Variants in TBC1D16 observed in about 807,000 individuals in gnomAD.
TBC1D16 encodes the protein TBC1 domain family member 16, also known as CTD-2529O21.1.
A neutral mutation model predicts 74.7 loss-of-function variants in TBC1D16; 58 were observed. The observed-to-expected ratio is 0.78, with a 90% CI of 0.63 to 0.97. The LOEUF (loss-of-function observed/expected upper bound fraction) is 0.97. TBC1D16 is among the 50% of genes least tolerant of loss of function. TBC1D16 has a pLI of 0.00. For synonymous variants in TBC1D16, 493 were observed against 474.7 expected (o/e 1.04, Z -0.50); for missense variants, 1,014 against 1,079.5 (o/e 0.94, Z 0.85).
rs1055980061 is a variant in TBC1D16 at position 79,988,398 on chromosome 17, G to C, written c.779+21762C>G. On this transcript the variant is annotated intron_variant, in intron 3 of 11. Transcript: ENST00000310924. The surrounding 1 kb of genome is among the most constrained non-coding windows in gnomAD (Gnocchi z 5.7). The stretch of plus-strand genomic sequence containing the variant: ...ACCCAAACTGAAACATTTTCCTTTT[G>C]TCGACTGTAGAGAGCTATGAGTCAG... Among the ~76,000 whole-genome samples the C allele has an allele frequency of 3.9e-5, 6 of 152,232 alleles. No individual in the cohort carries two copies. In the South Asian group the frequency reaches 1.2e-3, roughly 32 times the overall value.
chr17:80,035,147 C>T lies in TBC1D16; in HGVS notation c.-63+648G>A, dbSNP rs999090685. 1.3e-5 allele frequency among the ~76,000 whole-genome samples: 2 copies of T among 152,226 alleles called. No homozygotes were observed. The highest frequency in any genetic ancestry group is 4.8e-5 in the African/African-American group (2 of 41,466). On this transcript the variant is annotated intron_variant, in intron 1 of 11. Coordinates refer to ENST00000310924, the MANE Select transcript of TBC1D16 (RefSeq NM_019020.4). The surrounding 1 kb of genome is among the most constrained non-coding windows in gnomAD (Gnocchi z 5.3). Reference sequence around the variant, plus strand: ...ATCACAGGATTTCAGGATTCAGCGGCTTCCGGCAGGATCCCCTAGGTTATG... The same window carrying T: ...ATCACAGGATTTCAGGATTCAGCGGTTTCCGGCAGGATCCCCTAGGTTATG...
intron 1 of TBC1D16, among the ~76,000 whole-genome samples, chr17:80,017,680 CAA>C (rs57336950): frequency 1.0e-3 from 86 of 84,840 alleles, no homozygotes; most frequent in Non-Finnish European, 1.2e-3. Context: ...GACTCCATCT[CAA>C]AAAAAAAAAA....
intron 3 of TBC1D16, 64 bp from the exon 4 acceptor site, chr17:79,952,882 CG>C: frequency 1.3e-6 from 2 of 1,539,950 alleles, no homozygotes; most frequent in Non-Finnish European, 8.8e-7. Context: ...CAGAGGGGGA[CG>C]GGGGTCATGG....
rs1055275076 is a variant in TBC1D16 at position 79,941,279 on chromosome 17, C to CGGG, written c.2056-175_2056-173dup. 6.6e-6 allele frequency among the ~76,000 whole-genome samples: 1 copy of CGGG among 152,172 alleles called. No individual in the cohort carries two copies. Among genetic ancestry groups the CGGG allele is most frequent in the African/African-American group, 2.4e-5 (1 of 41,444 alleles). On this transcript the variant is annotated intron_variant, in intron 11 of 11. Coordinates refer to ENST00000310924, the MANE Select transcript of TBC1D16 (RefSeq NM_019020.4). This position sits in a 1 kb window ranked among gnomAD's most constrained non-coding sequence, Gnocchi z 4.3. ...GCATCTCCCACCATCACCGGCACCA[C>CGGG]GGGGCCCTGGGTCTTAGGTGGCTGC...
chr17:79,943,828 C>T (rs777984017), intron 10 of TBC1D16: 23 of 1,348,686 alleles, frequency 1.7e-5, no homozygotes, highest in African/African-American at 5.9e-5. Context: ...TCAGCCTGAA[C>T]GTAAAGGAAT....
chr17:79,951,669 TAATC>T (rs2033061766), intron 4 of TBC1D16, 72 bp from the exon 5 acceptor site: 2 of 1,544,998 alleles, frequency 1.3e-6, no homozygotes, highest in South Asian at 2.4e-5. Flanking sequence ...TTTCCAAGTA[TAATC>T]AGAGGCCACT....
Position 79,940,847 on chromosome 17 carries a change from CG to C in TBC1D16, c.*11del. On this transcript the variant is annotated 3_prime_UTR_variant, in exon 12 of 12. Transcript: ENST00000310924. This position sits in a 1 kb window ranked among gnomAD's most constrained non-coding sequence, Gnocchi z 5.4. ...GGTCCCCTCAACCCCTGTCCGGTGTCGGGGGCCCGACCTATCTGCGGAAGCC... is the reference window on the plus strand; with the variant it reads ...GGTCCCCTCAACCCCTGTCCGGTGTCGGGGCCCGACCTATCTGCGGAAGCC... 6.6e-7 allele frequency: 1 copy of C among 1,522,464 alleles called. No homozygotes were observed. The highest frequency in any genetic ancestry group is 2.3e-5 in the East Asian group (1 of 43,052). 94.3% of individuals were successfully genotyped at this position (1,522,464 alleles called of 1,614,324 possible).
chr17:79,972,631 A>G (rs998997088), intron 3 of TBC1D16, among the ~76,000 whole-genome samples: 3 of 152,186 alleles, frequency 2.0e-5, no homozygotes, highest in African/African-American at 7.2e-5. Flanking sequence ...AGAAAGTAGA[A>G]TAGAGGCTGC....
Position 79,944,128 on chromosome 17 carries a change from G to A in TBC1D16, c.1908+780C>T. ...GCCCCCTGCGGTGTGAGTGAGGACAGGAGACGCTGACGCAAATGTCTTCCA... is the reference window on the plus strand; with the variant it reads ...GCCCCCTGCGGTGTGAGTGAGGACAAGAGACGCTGACGCAAATGTCTTCCA... On this transcript the variant is annotated intron_variant, in intron 10 of 11. Coordinates refer to ENST00000310924, the MANE Select transcript of TBC1D16 (RefSeq NM_019020.4). The surrounding 1 kb of genome is among the most constrained non-coding windows in gnomAD (Gnocchi z 7.7). 1 of 1,536,054 alleles carries A rather than the reference G, an allele frequency of 6.5e-7. No individual in the cohort carries two copies. Among genetic ancestry groups the A allele is most frequent in the South Asian group, 1.2e-5 (1 of 84,062 alleles).
intron 1 of TBC1D16, among the ~76,000 whole-genome samples, chr17:80,017,387 A>C (rs1298124160): frequency 6.6e-6 from 1 of 152,116 alleles, no homozygotes; most frequent in Admixed American, 6.5e-5. Context: ...CCCCCTTAAA[A>C]AACGTAAAAA....
Position 79,988,086 on chromosome 17 carries a change from G to A in TBC1D16, c.779+22074C>T, listed in dbSNP as rs2034912695. Among the ~76,000 whole-genome samples the A allele has an allele frequency of 6.6e-6, 1 of 152,168 alleles. No homozygotes were observed. The highest frequency in any genetic ancestry group is 1.5e-5 in the Non-Finnish European group (1 of 68,020). ...TCTGATTCAAACGAAATACTTCTAA[G>A]TTCTTCTCTGTGAAAGCGTGTGTGT... On this transcript the variant is annotated intron_variant, in intron 3 of 11. Coordinates refer to ENST00000310924, the MANE Select transcript of TBC1D16 (RefSeq NM_019020.4). The surrounding 1 kb of genome is among the most constrained non-coding windows in gnomAD (Gnocchi z 5.7).
chr17:79,960,965 T>G (rs1598352171), intron 3 of TBC1D16, among the ~76,000 whole-genome samples: 1 of 152,126 alleles, frequency 6.6e-6, no homozygotes, highest in South Asian at 2.1e-4. Context: ...GACTCAGCAA[T>G]GCCCCCTAGG....
rs939386015 is a variant in TBC1D16, at chr17:79,975,467, C to G, written c.780-22649G>C. On this transcript the variant is annotated intron_variant, in intron 3 of 11. Transcript: ENST00000310924. This position sits in a 1 kb window ranked among gnomAD's most constrained non-coding sequence, Gnocchi z 4.5. ...AGCCAGCCAGGTGTTCTTTAAGCCC[C>G]TGTGAAGATTCCTTGATCAGTTACA... is the stretch of plus-strand genomic sequence containing the variant. Among the ~76,000 whole-genome samples, 1 of 151,940 alleles carries G rather than the reference C, an allele frequency of 6.6e-6. No individual in the cohort carries two copies. The highest frequency in any genetic ancestry group is 2.4e-5 in the African/African-American group (1 of 41,224).
chr17:79,948,221 G>A (rs528405599), intron 8 of TBC1D16, among the ~76,000 whole-genome samples: 3 of 151,622 alleles, frequency 2.0e-5, no homozygotes, highest in Non-Finnish European at 4.4e-5. Flanking sequence ...GCTGAGACTG[G>A]AGAATCGCTT....
Position 79,954,040 on chromosome 17 carries a change from G to A in TBC1D16, c.780-1222C>T, listed in dbSNP as rs1220946046. ...CCGCCTCAGCCTCCAAAAGTGTTGG[G>A]ATTACAGGCGTGAGCCATCGCGCCT... On this transcript the variant is annotated intron_variant, in intron 3 of 11. Transcript: ENST00000310924. The surrounding 1 kb of genome is among the most constrained non-coding windows in gnomAD (Gnocchi z 5.5). Among the ~76,000 whole-genome samples the A allele has an allele frequency of 1.3e-5, 2 of 152,134 alleles. No homozygotes were observed. The highest frequency in any genetic ancestry group is 1.3e-4 in the Admixed American group (2 of 15,276).
chr17:80,006,511 G>A (rs1210925873), intron 3 of TBC1D16, among the ~76,000 whole-genome samples: 3 of 152,164 alleles, frequency 2.0e-5, no homozygotes, highest in African/African-American at 7.2e-5. Context: ...CGGGGGATGG[G>A]GATGGGGCAA....
intron 9 of TBC1D16, among the ~76,000 whole-genome samples, chr17:79,945,953 C>T (rs770515237): frequency 9.2e-5 from 14 of 152,242 alleles, no homozygotes; most frequent in Non-Finnish European, 1.6e-4. Context: ...TGAAGCTGTG[C>T]GGCCAGCCCT....
rs2144688863 is a variant in TBC1D16, at chr17:80,013,383, C to T, written c.165G>A (p.Leu55=). The change falls in exon 2 of 12, where the codon CTG becomes CTA. Residue 55 remains leucine, a synonymous_variant. Transcript: ENST00000310924. ...CVHPPEGLQG[L]GEHHPGYLCL... ...CTGGCTCACCTGGGTGGTGCTCCCC[C>T]AGCCCCTGCAGCCCCTCCGGCGGGT... The T allele has an allele frequency of 6.2e-7, 1 of 1,606,744 alleles. No homozygotes were observed. Among genetic ancestry groups the T allele is most frequent in the Non-Finnish European group, 8.5e-7 (1 of 1,177,122 alleles).
chr17:80,012,115 C>T (rs1318705444), intron 2 of TBC1D16, among the ~76,000 whole-genome samples: 2 of 152,166 alleles, frequency 1.3e-5, no homozygotes, highest in Middle Eastern at 3.2e-3. Flanking sequence ...CTCTCCAGGC[C>T]TCTACAACTC....
Sources: allele counts gnomAD v4.1 joint callset (sites outside exome capture counted in the v4.1 genomes callset), GRCh38; gene constraint gnomAD v4.1.1; non-coding constraint Gnocchi (gnomAD v3.1); transcripts MANE v1.5; gene names NCBI Gene and HGNC (gene_info 2026-07-23, HGNC 2026-07-21).